Variants in SARDH observed in about 807,000 individuals in gnomAD.
SARDH encodes the protein sarcosine dehydrogenase.
Under a neutral mutation model 109.1 loss-of-function variants are expected in SARDH, and 95 were observed. The ratio of observed to expected loss-of-function variants is 0.87; its 90% CI spans 0.74 to 1.03. SARDH has a LOEUF of 1.03. Ranked by LOEUF, SARDH falls within the 50% of genes least tolerant of loss-of-function variation. The probability of loss-of-function intolerance (pLI) is 0.00; values close to 1 mark genes in which losing one functional copy is unlikely to be tolerated. For synonymous variants in SARDH, 572 were observed against 534.8 expected (o/e 1.07, Z -0.96); for missense variants, 1,267 against 1,287.8 (o/e 0.98, Z 0.25).
Position 133,696,338 on chromosome 9 carries a change from G to C in SARDH, c.1692C>G (p.Cys564Trp). Residue 564 changes from cysteine to tryptophan, a missense_variant, in exon 14 of 21, where the codon TGC (cysteine) becomes TGG (tryptophan). Transcript: ENST00000439388. ...HDTIKKECLACRGAAAVFDMS... is the reference protein window; with the variant it reads ...HDTIKKECLAWRGAAAVFDMS... ...TGTCAAACACAGCGGCGGCCCCTCT[G>C]CAGGCCAGGCACTCCTTCTTGATCT... The C allele has an allele frequency of 6.2e-7, 1 of 1,614,126 alleles. No homozygotes were observed. The highest frequency in any genetic ancestry group is 8.5e-7 in the Non-Finnish European group (1 of 1,180,036).
intron 1 of SARDH, among the ~76,000 whole-genome samples, 158 bp from the exon 2 acceptor site, chr9:133,734,361 T>G (rs903216784): frequency 6.6e-6 from 1 of 151,378 alleles, no homozygotes; most frequent in African/African-American, 2.4e-5. Flanking sequence ...ATTCATTCAT[T>G]CACTCATTCA....
downstream of SARDH, among the ~76,000 whole-genome samples, chr9:133,661,161 G>GA (rs1471358712): frequency 1.3e-5 from 2 of 152,238 alleles, no homozygotes; most frequent in African/African-American, 4.8e-5. Flanking sequence ...CCAATATGGT[G>GA]AAACCCCGTC....
chr9:133,703,471 G>T (rs951548785), intron 12 of SARDH: 21 of 184,326 alleles, frequency 1.1e-4, no homozygotes, highest in Non-Finnish European at 2.2e-4. Flanking sequence ...GAGGCGCAGA[G>T]AAGTTATATC....
rs1451323338 is a variant in SARDH, at chr9:133,702,737, G to C, written c.1668+179C>G. 2.6e-5 allele frequency among the ~76,000 whole-genome samples: 4 copies of C among 152,338 alleles called. No individual in the cohort carries two copies. In the East Asian group the frequency reaches 5.8e-4, roughly 22 times the overall value. On this transcript the variant is annotated intron_variant, in intron 13 of 20. Transcript: ENST00000439388. ...AATCTCGGCACAGAGGGAGGAGGGG[G>C]AGAGGAAAACGCATGATTCCTCCTC...
At chr9:133,732,358 A>AC (rs988596817) in intron 3 of SARDH, 65 bp downstream of exon 3, 9 of 503,432 alleles carry the variant, frequency 1.8e-5, no homozygotes, top group Non-Finnish European at 2.9e-5. Flanking sequence ...CACCAATATG[A>AC]CCCCCCAGGG....
intron 14 of SARDH, 53 bp downstream of exon 14, chr9:133,696,159 CTCAGTGCCTGA>C: frequency 6.3e-7 from 1 of 1,597,340 alleles, no homozygotes; most frequent in Non-Finnish European, 8.5e-7. Context: ...GCCAGCTCAT[CTCAGTGCCTGA>C]GGCTGTGCCC....
chr9:133,723,882 G>A (rs1832405538), intron 6 of SARDH, among the ~76,000 whole-genome samples: 1 of 152,218 alleles, frequency 6.6e-6, no homozygotes, highest in Non-Finnish European at 1.5e-5. Flanking sequence ...GGGCCAACTG[G>A]ATAGCCACAT....
chr9:133,660,264 A>G (rs960171035), downstream of SARDH, among the ~76,000 whole-genome samples: 1 of 152,046 alleles, frequency 6.6e-6, no homozygotes, highest in Non-Finnish European at 1.5e-5. Context: ...GAAGCCATGT[A>G]GTTTCTGTTT....
At chr9:133,676,983 A>G (rs1830535519) in intron 17 of SARDH, among the ~76,000 whole-genome samples, 1 of 152,190 alleles carries the variant, frequency 6.6e-6, no homozygotes, top group Non-Finnish European at 1.5e-5. Context: ...TACTAAAAAT[A>G]CAAAAATTAG....
chr9:133,700,575 G>A (rs146114039), intron 13 of SARDH, among the ~76,000 whole-genome samples: 1,738 of 152,248 alleles, frequency 0.011, 35 homozygotes, highest in African/African-American at 0.039. Context: ...ATCTTTTGCT[G>A]GGAGATGAAA....
At chr9:133,665,899 AC>A (rs1264075039) in intron 20 of SARDH, among the ~76,000 whole-genome samples, 1 of 152,204 alleles carries the variant, frequency 6.6e-6, no homozygotes, top group South Asian at 2.1e-4. Context: ...TCCCGGCCTC[AC>A]TTAGGGCTTA....
chr9:133,706,099 T>C (rs1201225074), intron 11 of SARDH, among the ~76,000 whole-genome samples: 1 of 152,220 alleles, frequency 6.6e-6, no homozygotes, highest in African/African-American at 2.4e-5. Flanking sequence ...ACCCAGCAAT[T>C]CCACTCCCAA....
chr9:133,713,782 G>A (rs1832019091), intron 8 of SARDH, among the ~76,000 whole-genome samples: 1 of 152,176 alleles, frequency 6.6e-6, no homozygotes, highest in African/African-American at 2.4e-5. Context: ...TGTGGCATTG[G>A]GCGAGTCACT....
At chr9:133,696,471 C>G in intron 13 of SARDH, 110 bp from the exon 14 acceptor site, 1 of 1,382,298 alleles carries the variant, frequency 7.2e-7, no homozygotes, top group Non-Finnish European at 1.0e-6. Context: ...CTGAGCCTCC[C>G]CTCCCTCTCT....
At chr9:133,685,520 G>C (rs1216743524) in intron 16 of SARDH, among the ~76,000 whole-genome samples, 1 of 152,232 alleles carries the variant, frequency 6.6e-6, no homozygotes, top group Non-Finnish European at 1.5e-5. Context: ...GGGGAGGCCA[G>C]ACTTGGAGAT....
Position 133,690,384 on chromosome 9 carries a change from C to T in SARDH, c.2065G>A (p.Ala689Thr), listed in dbSNP as rs867823463. The change falls in exon 16 of 21, where the codon GCC (alanine) becomes ACC (threonine). Residue 689 changes from alanine (A) to threonine (T), a missense_variant. Transcript: ENST00000439388. ...DLGMISIQGP[A>T]SRAILQEVLD... is the part of the protein sequence containing the mutation. ...GGGCTCCCAGTCCTCTCTCACCTGG[C>T]TGGGCCCTGGATACTGATCATACCC... 28 of 1,609,748 alleles carry T rather than the reference C, an allele frequency of 1.7e-5. No homozygotes were observed. The Admixed American group carries it at 1.8e-4, about 11-fold the overall frequency.
At chr9:133,714,599 C>T (rs1051713058) in intron 8 of SARDH, among the ~76,000 whole-genome samples, 2 of 152,048 alleles carry the variant, frequency 1.3e-5, no homozygotes, top group East Asian at 1.9e-4. Context: ...AGCAACATAG[C>T]GAGACGGCAT....
At chr9:133,669,995 G>A (rs1830280068) in intron 19 of SARDH, among the ~76,000 whole-genome samples, 1 of 152,220 alleles carries the variant, frequency 6.6e-6, no homozygotes, top group South Asian at 2.1e-4. Context: ...GGGCCCTGCT[G>A]GCCTGGGAGG....
At position 133,694,187 on chromosome 9, in the gene SARDH, C is replaced by T. The variant is rs980749546; in HGVS notation, c.1921+71G>A. 17 of 1,168,334 alleles carry T rather than the reference C, an allele frequency of 1.5e-5. No individual in the cohort carries two copies. The Admixed American group carries it at 3.7e-4, about 25-fold the overall frequency. The allele number at this position is 1,168,334 out of a possible 1,614,324, so 72.4% of individuals were successfully genotyped here. On this transcript the variant is annotated intron_variant, in intron 15 of 20. Transcript: ENST00000439388. Reference sequence around the variant, plus strand: ...TCAGCAGCCCATCCCGTCCATCCTGCCCTGTCCACAACCACCAGTCCACAG... The same window carrying T: ...TCAGCAGCCCATCCCGTCCATCCTGTCCTGTCCACAACCACCAGTCCACAG...
Sources: allele counts gnomAD v4.1 joint callset (sites outside exome capture counted in the v4.1 genomes callset), GRCh38; gene constraint gnomAD v4.1.1; transcripts MANE v1.5; gene names NCBI Gene and HGNC (gene_info 2026-07-23, HGNC 2026-07-21).